The following ACBD5 variants were observed in gnomAD, a reference collection of about 807,000 sequenced individuals.
The protein encoded by ACBD5 is acyl-CoA binding domain containing 5.
Under a neutral mutation model 71.8 loss-of-function variants are expected in ACBD5, and 40 were observed. The observed-to-expected ratio is 0.56, with a 90% confidence interval of 0.43 to 0.72. The LOEUF (loss-of-function observed/expected upper bound fraction) is 0.72, where lower values mean the gene tolerates loss of function less well. ACBD5 is among the 30% of genes least tolerant of loss of function. ACBD5 has a pLI of 0.00. For missense variants in ACBD5, 559 were observed against 644.5 expected, an observed-to-expected ratio of 0.87 and a Z score of 1.44; for synonymous variants, 229 against 218.6, an observed-to-expected ratio of 1.05 and a Z score of -0.42.
chr10:27,240,840 G>C (rs1294765572), upstream of ACBD5: 2 of 1,221,598 alleles, frequency 1.6e-6, no homozygotes, highest in Non-Finnish European at 2.3e-6. This position sits in a 1 kb window ranked among gnomAD's most constrained non-coding sequence, Gnocchi z 4.1. Flanking sequence ...AGAGTCACCG[G>C]AGGACCCACT....
At position 27,219,795 on chromosome 10, in the gene ACBD5, TGCTTTCA is replaced by T; in HGVS notation, c.546_552del (p.Glu183ValfsTer16). 6.2e-7 allele frequency: 1 copy of T among 1,614,144 alleles called. No homozygotes were observed. The highest frequency in any genetic ancestry group is 8.5e-7 in the Non-Finnish European group (1 of 1,180,012). ...TCCTCAGACTCGGCTCCACTGTCAC[TGCTTTCA>T]GCTTTACCATTAACGGTTTTGGCGT... On this transcript the variant is annotated frameshift_variant, in exon 6 of 13. Transcript: ENST00000396271. LOFTEE classifies it high-confidence loss of function.
chr10:27,220,716 T>A (rs1557163), intron 5 of ACBD5, among the ~76,000 whole-genome samples: 1 of 152,066 alleles, frequency 6.6e-6, no homozygotes, highest in Non-Finnish European at 1.5e-5. Flanking sequence ...TATGAAAATG[T>A]GAGGGATCAA....
intron 3 of ACBD5, among the ~76,000 whole-genome samples, chr10:27,232,558 C>A (rs187853615): frequency 1.3e-5 from 2 of 152,212 alleles, no homozygotes; most frequent in Admixed American, 6.5e-5. Flanking sequence ...GAACTCCTAA[C>A]CTCATGTGAT....
chr10:27,208,232 A>C lies in ACBD5; in HGVS notation c.1404+14T>G. ...CAATAAGCACAAGAAGGTATGATAC[A>C]TTTGGAAGTTTACCTGCAAAGCAGT... On this transcript the variant is annotated intron_variant, in intron 10 of 12. Coordinates refer to ENST00000396271, the MANE Select transcript of ACBD5 (RefSeq NM_145698.5). 1.9e-6 allele frequency: 3 copies of C among 1,613,730 alleles called. No homozygotes were observed. The East Asian group carries it at 6.7e-5, about 36-fold the overall frequency.
chr10:27,198,022 A>G (rs1267605433), intron 12 of ACBD5, among the ~76,000 whole-genome samples: 1 of 152,230 alleles, frequency 6.6e-6, no homozygotes, highest in Non-Finnish European at 1.5e-5. Context: ...CTATTACACA[A>G]TTAAGATTTG....
Position 27,195,760 on chromosome 10 carries a change from AAG to A in ACBD5, c.*1668_*1669del, listed in dbSNP as rs778409137. ...TATTTGAAAGAAAAAAATAAGGAAA[AAG>A]AGTTTGGGAAAAGTAAATTGTATTC... On this transcript the variant is annotated 3_prime_UTR_variant, in exon 13 of 13. Transcript: ENST00000396271. 15 of 412,576 alleles carry A rather than the reference AAG, an allele frequency of 3.6e-5. No individual in the cohort carries two copies. Among genetic ancestry groups the A allele is most frequent in the South Asian group, 9.0e-5 (5 of 55,612 alleles). The allele number at this position is 412,576 out of a possible 1,614,324, so 25.6% of individuals were successfully genotyped here. A position where few individuals can be genotyped will look rare whatever the true frequency, so the allele number is the denominator to read the frequency against.
chr10:27,214,001 G>A lies in ACBD5; in HGVS notation c.936+1534C>T, dbSNP rs373818880. On this transcript the variant is annotated intron_variant, in intron 8 of 12. Coordinates refer to ENST00000396271, the MANE Select transcript of ACBD5 (RefSeq NM_145698.5). ...ACTATTCTACCATAAAAAAGAATGA[G>A]ATCCTGTCATTTGCAATATGGATGG... Among the ~76,000 whole-genome samples the A allele has an allele frequency of 9.8e-5, 15 of 152,314 alleles. No homozygotes were observed. In the South Asian group the frequency reaches 2.1e-3, roughly 21 times the overall value.
chr10:27,194,611 C>CAAATAATAATA (rs1588912535), downstream of ACBD5, among the ~76,000 whole-genome samples: 2 of 32,730 alleles, frequency 6.1e-5, no homozygotes, highest in African/African-American at 1.8e-4. Context: ...GACTCCATCT[C>CAAATAATAATA]AAATAATAAT....
Position 27,240,730 on chromosome 10 carries a change from G to A in ACBD5, c.-42C>T. The A allele has an allele frequency of 6.5e-7, 1 of 1,550,168 alleles. No homozygotes were observed. The highest frequency in any genetic ancestry group is 8.7e-7 in the Non-Finnish European group (1 of 1,146,922). ...AGGGGGTCCGGGCATCGGTGGCCGC[G>A]GAGCCGCTCTCCCACCCTGGGGACC... On this transcript the variant is annotated 5_prime_UTR_variant, in exon 1 of 13. Coordinates refer to ENST00000396271, the MANE Select transcript of ACBD5 (RefSeq NM_145698.5). The surrounding 1 kb of genome is among the most constrained non-coding windows in gnomAD (Gnocchi z 4.1).
At chr10:27,223,288 G>A (rs777285594) in intron 5 of ACBD5, 50 bp downstream of exon 5, 5 of 1,300,622 alleles carry the variant, frequency 3.8e-6, no homozygotes, top group Non-Finnish European at 4.5e-6. Flanking sequence ...ATATTAATAT[G>A]TGCATAATAT....
At chr10:27,200,948 G>C (rs112409339) in intron 12 of ACBD5, among the ~76,000 whole-genome samples, 4,647 of 152,122 alleles carry the variant, frequency 0.031, 75 homozygotes, top group African/African-American at 0.037. Context: ...GAGGTGGGAG[G>C]ATCTCTTGAG....
At position 27,232,597 on chromosome 10, in the gene ACBD5, G is replaced by A. The variant is rs536260034; in HGVS notation, c.303-777C>T. The stretch of plus-strand genomic sequence containing the variant: ...CTGTTTTGACCTCCCAAAGTGCTGG[G>A]ATTACAGGGATGAGCCACTGCGCCC... On this transcript the variant is annotated intron_variant, in intron 3 of 12. Coordinates refer to ENST00000396271, the MANE Select transcript of ACBD5 (RefSeq NM_145698.5). 1.5e-4 allele frequency among the ~76,000 whole-genome samples: 23 copies of A among 152,218 alleles called. 1 individual carries two copies. In the East Asian group the frequency reaches 4.0e-3, roughly 27 times the overall value.
intron 12 of ACBD5, among the ~76,000 whole-genome samples, chr10:27,199,457 T>C (rs2059692024): frequency 6.6e-6 from 1 of 152,180 alleles, no homozygotes; most frequent in South Asian, 2.1e-4. Flanking sequence ...TGTTTTGTTT[T>C]GTTTTAAATC....
In ACBD5 at chr10:27,223,491, TC is replaced by T. The variant is rs34648359; in HGVS notation, c.376-40del. On this transcript the variant is annotated intron_variant, in intron 4 of 12. Transcript: ENST00000396271. Reference sequence around the variant, plus strand: ...AAACAAATATTGTGAAATCACAAACTCTTAATTTGATCTCCACTAATATCAA... The same window carrying T: ...AAACAAATATTGTGAAATCACAAACTTTAATTTGATCTCCACTAATATCAA... 0.019 allele frequency: 27,158 copies of T among 1,452,646 alleles called. 1,869 individuals are homozygous for T. The highest frequency in any genetic ancestry group is 0.17 in the East Asian group (7,408 of 44,042). 90.0% of individuals were successfully genotyped at this position (1,452,646 alleles called of 1,614,324 possible).
Position 27,197,258 on chromosome 10 carries a change from T to C in ACBD5, c.*172A>G. The C allele has an allele frequency of 1.4e-6, 1 of 704,056 alleles. No homozygotes were observed. The highest frequency in any genetic ancestry group is 2.8e-5 in the East Asian group (1 of 36,020). The allele number at this position is 704,056 out of a possible 1,614,324, so 43.6% of individuals were successfully genotyped here. On this transcript the variant is annotated 3_prime_UTR_variant, in exon 13 of 13. Transcript: ENST00000396271. ...AGCAATATTAGTCCTTAAAATGTTA[T>C]CGTTTGTGTAGTGCAAAATATATAT...
At chr10:27,241,235 G>T (rs980993668), upstream of ACBD5, among the ~76,000 whole-genome samples, 1 of 152,220 alleles carries the variant, frequency 6.6e-6, no homozygotes, top group African/African-American at 2.4e-5. Flanking sequence ...AGGGCTTTAA[G>T]TCGGGACAGG....
chr10:27,223,481 AATCACAAAC>A lies in ACBD5; in HGVS notation c.376-38_376-30del. The stretch of plus-strand genomic sequence containing the variant: ...TAATCAAAAGAAACAAATATTGTGA[AATCACAAAC>A]TCTTAATTTGATCTCCACTAATATC... On this transcript the variant is annotated intron_variant, in intron 4 of 12. Coordinates refer to ENST00000396271, the MANE Select transcript of ACBD5 (RefSeq NM_145698.5). 2 of 1,498,168 alleles carry A rather than the reference AATCACAAAC, an allele frequency of 1.3e-6. 1 individual carries two copies. 92.8% of individuals were successfully genotyped at this position (1,498,168 alleles called of 1,614,324 possible).
intron 13 of ACBD5, among the ~76,000 whole-genome samples, chr10:27,183,872 C>T (rs913980624): frequency 1.3e-5 from 2 of 152,134 alleles, no homozygotes; most frequent in African/African-American, 4.8e-5. Context: ...CTACCACACC[C>T]AGCTAATTTT....
chr10:27,197,194 A>G lies in ACBD5; in HGVS notation c.*236T>C. 1.6e-6 allele frequency: 1 copy of G among 610,598 alleles called. No individual in the cohort carries two copies. The highest frequency in any genetic ancestry group is 1.8e-5 in the South Asian group (1 of 54,762). 37.8% of individuals were successfully genotyped at this position (610,598 alleles called of 1,614,324 possible). A position where few individuals can be genotyped will look rare whatever the true frequency, so the allele number is the denominator to read the frequency against. On this transcript the variant is annotated 3_prime_UTR_variant, in exon 13 of 13. Coordinates refer to ENST00000396271, the MANE Select transcript of ACBD5 (RefSeq NM_145698.5). The stretch of plus-strand genomic sequence containing the variant: ...TCAAGGGCAGGGTAAATCTGTGTAT[A>G]CTACTTATAACCTAGTAGAGATTGA...
Sources: gnomAD v4.1 joint callset for allele counts (sites outside exome capture counted in the v4.1 genomes callset) on GRCh38, gnomAD v4.1.1 for gene constraint, Gnocchi (gnomAD v3.1) non-coding constraint, MANE v1.5 for transcripts, NCBI Gene and HGNC (gene_info 2026-07-23, HGNC 2026-07-21) for gene names.